The following TRIM13 variants were observed in gnomAD, a reference collection of about 807,000 sequenced individuals.
TRIM13 encodes E3 ubiquitin-protein ligase TRIM13.
A neutral mutation model predicts 27.1 loss-of-function variants in TRIM13; 15 were observed. The ratio of observed to expected loss-of-function variants is 0.55; its 90% CI spans 0.37 to 0.85. The LOEUF is 0.85. TRIM13 is among the 40% of genes least tolerant of loss of function. TRIM13 has a pLI of 0.00. For missense variants in TRIM13, 402 were observed against 472.2 expected, an observed-to-expected ratio of 0.85 and a Z score of 1.38; for synonymous variants, 193 against 171.5, an observed-to-expected ratio of 1.13 and a Z score of -0.98.
intron 1 of TRIM13, chr13:50,001,161 A>C (rs1168892294): frequency 6.6e-6 from 1 of 152,060 alleles, no homozygotes; most frequent in African/African-American, 2.4e-5. Context: ...CATGGTGGCA[A>C]GTGCCTGTAA....
intron 1 of TRIM13, among the ~76,000 whole-genome samples, chr13:49,999,783 T>G (rs2803839): frequency 0.2 from 29,876 of 152,118 alleles, 3,559 homozygotes; most frequent in East Asian, 0.34. Flanking sequence ...AAACCTAGTT[T>G]GTAAAAACTG....
Position 50,012,236 on chromosome 13 carries a change from G to A in TRIM13, c.296G>A (p.Gly99Glu). Residue 99 changes from glycine to glutamate, a missense_variant, in exon 2 of 2, where the codon GGG becomes GAG. Physicochemically the swap from Gly to Glu is moderately conservative, Grantham distance 98 (BLOSUM62 -2). Coordinates refer to ENST00000378182, the MANE Select transcript of TRIM13 (RefSeq NM_213590.3). Reference protein sequence around the residue: ...PKMPVCKGHLGQPLNIFCLTD... With the variant: ...PKMPVCKGHLEQPLNIFCLTD... ...ATGCCAGTATGCAAAGGACACTTGG[G>A]GCAGCCTCTCAACATTTTCTGCCTG... 1 of 1,614,112 alleles carries A rather than the reference G, an allele frequency of 6.2e-7. No individual in the cohort carries two copies. Among genetic ancestry groups the A allele is most frequent in the Non-Finnish European group, 8.5e-7 (1 of 1,180,006 alleles).
At chr13:50,009,040 AAAAG>A (rs1422474237) in intron 1 of TRIM13, among the ~76,000 whole-genome samples, 20 of 150,778 alleles carry the variant, frequency 1.3e-4, no homozygotes, top group East Asian at 1.2e-3. Context: ...AAAAAAAAAA[AAAAG>A]AGAATCCCAA....
intron 1 of TRIM13, among the ~76,000 whole-genome samples, chr13:50,006,404 T>G (rs762512044): frequency 6.6e-6 from 1 of 152,168 alleles, no homozygotes; most frequent in Non-Finnish European, 1.5e-5. Flanking sequence ...TTTGTTTTCT[T>G]CTTATTTAAT....
At chr13:50,002,795 T>C (rs1874212204) in intron 1 of TRIM13, among the ~76,000 whole-genome samples, 1 of 152,154 alleles carries the variant, frequency 6.6e-6, no homozygotes, top group South Asian at 2.1e-4. Context: ...CCCGAGTAGC[T>C]GGGATTACAG....
At chr13:50,004,647 C>T (rs750724260) in intron 1 of TRIM13, among the ~76,000 whole-genome samples, 3 of 151,720 alleles carry the variant, frequency 2.0e-5, no homozygotes, top group Non-Finnish European at 2.9e-5. Context: ...GCCTGTAATC[C>T]GAGCTACACG....
At position 50,005,819 on chromosome 13, in the gene TRIM13, G is replaced by A. The variant is rs189599961; in HGVS notation, c.-6-6116G>A. Among the ~76,000 whole-genome samples the A allele has an allele frequency of 2.7e-4, 40 of 149,022 alleles. 1 individual carries two copies. The highest frequency in any genetic ancestry group is 8.9e-4 in the African/African-American group (36 of 40,320). ...GCAACCTCTGGCCTCACGGGTTCAA[G>A]CGATTCTCCTGCCTCTGCCTCCTGA... On this transcript the variant is annotated intron_variant, in intron 1 of 1. Coordinates refer to ENST00000378182, the MANE Select transcript of TRIM13 (RefSeq NM_213590.3).
In TRIM13 at chr13:50,015,813, C is replaced by T. The variant is rs956426040; in HGVS notation, c.*2649C>T. 1 of 1,614,154 alleles carries T rather than the reference C, an allele frequency of 6.2e-7. No individual in the cohort carries two copies. Among genetic ancestry groups the T allele is most frequent in the Non-Finnish European group, 8.5e-7 (1 of 1,179,992 alleles). On this transcript the variant is annotated 3_prime_UTR_variant, in exon 2 of 2. Transcript: ENST00000378182. ...AACCCATACCTGCTACAGCCAAGAC[C>T]TGCTCTTGTGGAGGTACATTTCCTA...
In TRIM13 at chr13:50,014,346, T is replaced by TA. The variant is rs1876077989; in HGVS notation, c.*1183dup. 9 of 44,434 alleles carry TA rather than the reference T, an allele frequency of 2.0e-4. No homozygotes were observed. The South Asian group carries it at 5.7e-3, about 28-fold the overall frequency. 2.8% of individuals were successfully genotyped at this position (44,434 alleles called of 1,614,324 possible). A position where few individuals can be genotyped will look rare whatever the true frequency, so the allele number is the denominator to read the frequency against. On this transcript the variant is annotated 3_prime_UTR_variant, in exon 2 of 2. Transcript: ENST00000378182. Reference sequence around the variant, plus strand: ...AAAAAAAAAAAAAAAAAAAAAAAAATATATATATATATATACACACACACA... The same window carrying TA: ...AAAAAAAAAAAAAAAAAAAAAAAAATAATATATATATATATACACACACACA...
intron 1 of TRIM13, among the ~76,000 whole-genome samples, chr13:50,001,450 C>A (rs915160942): frequency 6.6e-6 from 1 of 152,086 alleles, no homozygotes; most frequent in Non-Finnish European, 1.5e-5. Flanking sequence ...GTCTGACAAC[C>A]CTTTGTGAAC....
In TRIM13 at chr13:50,012,847, A is replaced by G. The variant is rs898018031; in HGVS notation, c.907A>G (p.Thr303Ala). The change falls in exon 2 of 2, where the codon ACT (threonine) becomes GCT (alanine). Residue 303 changes from threonine to alanine, a missense_variant. Transcript: ENST00000378182. ...DVDKLSLPQD[T>A]GTFISKIPWS... ...GGATAAACTTTCTTTGCCTCAAGAC[A>G]CTGGCACATTCATTAGCAAGATTCC... The G allele has an allele frequency of 1.9e-6, 3 of 1,614,056 alleles. No individual in the cohort carries two copies. In the Admixed American group the frequency reaches 5.0e-5, roughly 27 times the overall value.
chr13:50,015,015 G>C lies in TRIM13; in HGVS notation c.*1851G>C, dbSNP rs1174183515. 6.3e-6 allele frequency: 1 copy of C among 159,896 alleles called. No homozygotes were observed. The highest frequency in any genetic ancestry group is 1.5e-5 in the Non-Finnish European group (1 of 67,046). The allele number at this position is 159,896 out of a possible 1,614,324, so 9.9% of individuals were successfully genotyped here. A position where few individuals can be genotyped will look rare whatever the true frequency, so the allele number is the denominator to read the frequency against. On this transcript the variant is annotated 3_prime_UTR_variant, in exon 2 of 2. Coordinates refer to ENST00000378182, the MANE Select transcript of TRIM13 (RefSeq NM_213590.3). ...ATAAGAAATTAAGAAAAACGTTTAA[G>C]TCTAGCCTCTGCGTGGTAGACAGGT... is the stretch of plus-strand genomic sequence containing the variant.
At position 49,999,292 on chromosome 13, in the gene TRIM13, C is replaced by T. The variant is rs138877872; in HGVS notation, c.-7+1529C>T. ...ATGATTCACCTGGTCAAACCAGTCCCCTGGGCCCTATGTAAATCACCACCT... is the reference window on the plus strand; with the variant it reads ...ATGATTCACCTGGTCAAACCAGTCCTCTGGGCCCTATGTAAATCACCACCT... On this transcript the variant is annotated intron_variant, in intron 1 of 1. Coordinates refer to ENST00000378182, the MANE Select transcript of TRIM13 (RefSeq NM_213590.3). Among the ~76,000 whole-genome samples the T allele has an allele frequency of 4.5e-4, 68 of 152,204 alleles. No homozygotes were observed. The East Asian group carries it at 0.011, about 24-fold the overall frequency.
At chr13:49,998,448 A>C (rs1234242251) in intron 1 of TRIM13, among the ~76,000 whole-genome samples, 1 of 152,240 alleles carries the variant, frequency 6.6e-6, no homozygotes, top group African/African-American at 2.4e-5. Context: ...CCTTGAAATC[A>C]CAGTTCAAGT....
intron 1 of TRIM13, among the ~76,000 whole-genome samples, chr13:50,003,884 GTTTGAC>G (rs1304035512): frequency 6.6e-6 from 1 of 152,184 alleles, no homozygotes; most frequent in Non-Finnish European, 1.5e-5. Context: ...AGGAGAACAA[GTTTGAC>G]TTTTTTCCGC....
chr13:50,003,995 T>C (rs1874362455), intron 1 of TRIM13, among the ~76,000 whole-genome samples: 1 of 152,216 alleles, frequency 6.6e-6, no homozygotes, highest in Admixed American at 6.5e-5. Flanking sequence ...TTAATTGGTA[T>C]TTGTGCTTCA....
In TRIM13 at chr13:50,013,141, G is replaced by T; in HGVS notation, c.1201G>T (p.Val401Leu). The change falls in exon 2 of 2, where the codon GTG becomes TTG. Residue 401 changes from valine (V) to leucine (L), a missense_variant. This residue lies in a region of TRIM13 where 200 missense variants were observed against 194.7 expected (regional missense o/e 1.03). Transcript: ENST00000378182. ...LVVLNNVAEF[V>L]CKYKLL ...GGTACTGAACAATGTGGCAGAATTT[G>T]TGTGCAAATATAAACTATTATAAAA... The T allele has an allele frequency of 6.3e-7, 1 of 1,578,280 alleles. No homozygotes were observed.
At chr13:50,005,967 G>A (rs971609569) in intron 1 of TRIM13, among the ~76,000 whole-genome samples, 1 of 151,654 alleles carries the variant, frequency 6.6e-6, no homozygotes, top group Admixed American at 6.6e-5. Context: ...CCACCTCGGC[G>A]GCCTCCCAAA....
Position 50,015,445 on chromosome 13 carries a change from A to G in TRIM13, c.*2281A>G. ...TAGCAACATTTATGGTTATAGGTTG[A>G]TTTCCTAAGTGTGGCTGATGGTAGC... On this transcript the variant is annotated 3_prime_UTR_variant, in exon 2 of 2. Transcript: ENST00000378182. 7.4e-7 allele frequency: 1 copy of G among 1,355,208 alleles called. No individual in the cohort carries two copies. Among genetic ancestry groups the G allele is most frequent in the Non-Finnish European group, 1.0e-6 (1 of 971,430 alleles). 83.9% of individuals were successfully genotyped at this position (1,355,208 alleles called of 1,614,324 possible).
Sources: gnomAD v4.1 joint callset for allele counts (sites outside exome capture counted in the v4.1 genomes callset) on GRCh38, gnomAD v4.1.1 for gene constraint, gnomAD v4.1.1 regional missense constraint, MANE v1.5 for transcripts, NCBI Gene and HGNC (gene_info 2026-07-23, HGNC 2026-07-21) for gene names.